The following FREM1 variants were observed in gnomAD, a reference collection of about 807,000 sequenced individuals.
The protein encoded by FREM1 is FRAS1-related extracellular matrix protein 1.
In FREM1, 220 loss-of-function variants were observed where a neutral mutation model predicts 210.1. The ratio of observed to expected loss-of-function variants is 1.05; its 90% CI spans 0.94 to 1.17. The LOEUF (loss-of-function observed/expected upper bound fraction) is 1.17, where lower values mean the gene tolerates loss of function less well. Among genes scored for constraint, FREM1 ranks in the 50% most tolerant of loss-of-function variants. The pLI, the probability that FREM1 is intolerant of heterozygous loss-of-function variation, is 0.00. For synonymous variants in FREM1, 1,189 were observed against 980.2 expected (o/e 1.21, Z -3.98); for missense variants, 3,454 against 2,675.5 (o/e 1.29, Z -6.42).
rs755426147 is a variant in FREM1 at position 14,851,331 on chromosome 9, C to T, written c.1105G>A (p.Ala369Thr). ...TWKDLSDMQI[A>T]YQPPNSSHSE... ...TGGCTGCTGTTTGGTGGCTGATAGG[C>T]GATCTGCATGTCACTGAGATCTTTC... The change falls in exon 6 of 37, where the codon GCC (alanine) becomes ACC (threonine). Residue 369 changes from alanine to threonine, a missense_variant. Physicochemically the swap from Ala to Thr is moderately conservative, Grantham distance 58. Transcript: ENST00000380880. 5 of 1,607,730 alleles carry T rather than the reference C, an allele frequency of 3.1e-6. No homozygotes were observed. Among genetic ancestry groups the T allele is most frequent in the South Asian group, 2.2e-5 (2 of 90,294 alleles).
intron 3 of FREM1, among the ~76,000 whole-genome samples, chr9:14,861,076 T>TACATATATACACATATATATAA (rs1830255928): frequency 2.8e-5 from 2 of 71,354 alleles, no homozygotes; most frequent in African/African-American, 5.9e-5. Flanking sequence ...TATACATATA[T>TACATATATACACATATATATAA]ACATATATAC....
chr9:14,757,875 G>A (rs1435745940), intron 28 of FREM1, among the ~76,000 whole-genome samples: 1 of 152,150 alleles, frequency 6.6e-6, no homozygotes, highest in Admixed American at 6.5e-5. Flanking sequence ...TGTCTACAAT[G>A]CCAAGGCTCC....
At chr9:14,774,086 T>C (rs1848094504) in intron 25 of FREM1, 1 of 518,872 alleles carries the variant, frequency 1.9e-6, no homozygotes, top group Non-Finnish European at 3.8e-6. Context: ...TGTCAATATC[T>C]TCTTTCTTCT....
chr9:14,792,992 G>A (rs890752500), intron 21 of FREM1, 108 bp from the exon 22 acceptor site: 1 of 668,726 alleles, frequency 1.5e-6, no homozygotes, highest in African/African-American at 1.8e-5. Context: ...ATTAAGGAAT[G>A]ACATTCAATA....
At chr9:14,756,312 C>T in intron 29 of FREM1, 62 bp downstream of exon 29, 2 of 1,163,572 alleles carry the variant, frequency 1.7e-6, no homozygotes, top group South Asian at 1.4e-5. Flanking sequence ...AATCTCCAGA[C>T]ATGCCTACAA....
At position 14,749,369 on chromosome 9, in the gene FREM1, AT is replaced by A. The variant is rs1044657720; in HGVS notation, c.5558-731del. Among the ~76,000 whole-genome samples, 15 of 152,178 alleles carry A rather than the reference AT, an allele frequency of 9.9e-5. 1 individual carries two copies. In the South Asian group the frequency reaches 2.5e-3, roughly 25 times the overall value. On this transcript the variant is annotated intron_variant, in intron 30 of 36. Transcript: ENST00000380880. Reference sequence around the variant, plus strand: ...TTATAAAGAAAAGAGGGGAGGTCCCATTTTTTTATAGAGTAGGAAAGAGAAG... The same window carrying A: ...TTATAAAGAAAAGAGGGGAGGTCCCATTTTTTATAGAGTAGGAAAGAGAAG...
chr9:14,784,386 A>C lies in FREM1; in HGVS notation c.4426T>G (p.Ser1476Ala). 3 of 1,613,572 alleles carry C rather than the reference A, an allele frequency of 1.9e-6. No individual in the cohort carries two copies. The highest frequency in any genetic ancestry group is 2.5e-6 in the Non-Finnish European group (3 of 1,179,594). ...CYVHKSKVTV[S>A]SDRFRFIISN... is the part of the protein sequence containing the mutation. The stretch of plus-strand genomic sequence containing the variant: ...GGGGCTCACCTGAATCTGTCACTGG[A>C]GACAGTCACCTTGCTCTTGTGTACA... Residue 1476 changes from serine (S) to alanine (A), a missense_variant, in exon 24 of 37, where the codon TCC becomes GCC. Ser to Ala is a moderately conservative substitution (Grantham distance 99). Coordinates refer to ENST00000380880, the MANE Select transcript of FREM1 (RefSeq NM_001379081.2).
At chr9:14,908,133 A>G (rs1818104898) in intron 1 of FREM1, among the ~76,000 whole-genome samples, 2 of 152,182 alleles carry the variant, frequency 1.3e-5, no homozygotes, top group South Asian at 4.1e-4. Context: ...TAAATATTAA[A>G]CGCCAGAAAA....
chr9:14,881,462 A>C (rs540804047), intron 1 of FREM1, among the ~76,000 whole-genome samples: 98 of 152,348 alleles, frequency 6.4e-4, no homozygotes, highest in African/African-American at 2.3e-3. Context: ...AATGAATTCA[A>C]ATATGTTTTG....
chr9:14,774,801 C>A (rs550395770), intron 25 of FREM1, among the ~76,000 whole-genome samples: 2 of 152,138 alleles, frequency 1.3e-5, no homozygotes, highest in African/African-American at 4.8e-5. Flanking sequence ...AGTGTAGTGT[C>A]ATAGAAAGGA....
At chr9:14,910,524 T>C (rs1029983557), upstream of FREM1, 3 of 152,506 alleles carry the variant, frequency 2.0e-5, no homozygotes, top group Admixed American at 2.0e-4. Flanking sequence ...CATTCACAAA[T>C]GGGCACACAG....
At chr9:14,813,417 G>T (rs1819750435) in intron 15 of FREM1, among the ~76,000 whole-genome samples, 1 of 152,126 alleles carries the variant, frequency 6.6e-6, no homozygotes, top group Admixed American at 6.5e-5. Flanking sequence ...TATTCCAGAA[G>T]AATTCTGGTC....
At position 14,759,864 on chromosome 9, in the gene FREM1, T is replaced by C. The variant is rs374170022; in HGVS notation, c.5242A>G (p.Thr1748Ala). 1.2e-6 allele frequency: 2 copies of C among 1,612,400 alleles called. No individual in the cohort carries two copies. The highest frequency in any genetic ancestry group is 1.7e-6 in the Non-Finnish European group (2 of 1,178,962). ...LKWSHIEWSQ[T>A]EYEVCENVGL... ...ACATTCTCACAGACTTCATATTCGG[T>C]CTGTGACCATTCAATATGAGACCAC... The change falls in exon 28 of 37, where the codon ACC (threonine) becomes GCC (alanine). Residue 1748 changes from threonine (T) to alanine (A), a missense_variant. Coordinates refer to ENST00000380880, the MANE Select transcript of FREM1 (RefSeq NM_001379081.2).
At chr9:14,815,921 T>A (rs1820223174) in intron 15 of FREM1, among the ~76,000 whole-genome samples, 1 of 152,190 alleles carries the variant, frequency 6.6e-6, no homozygotes, top group Admixed American at 6.5e-5. Context: ...GTGCTGGGAT[T>A]ACAGGTGTGA....
intron 24 of FREM1, 101 bp downstream of exon 24, chr9:14,784,269 T>C: frequency 9.7e-7 from 1 of 1,034,522 alleles, no homozygotes; most frequent in South Asian, 1.9e-5. Context: ...AAGATACATG[T>C]ATTTTGTGAA....
chr9:14,774,583 C>G (rs542565646), intron 25 of FREM1, among the ~76,000 whole-genome samples: 1 of 147,698 alleles, frequency 6.8e-6, no homozygotes, highest in South Asian at 2.1e-4. Context: ...AAAAATGTAA[C>G]TATTTTACTA....
chr9:14,890,143 C>T (rs1038763203), intron 1 of FREM1, among the ~76,000 whole-genome samples: 8 of 152,216 alleles, frequency 5.3e-5, no homozygotes, highest in African/African-American at 1.9e-4. Flanking sequence ...CCACCACATG[C>T]CACTTCTCAA....
intron 10 of FREM1, among the ~76,000 whole-genome samples, chr9:14,840,559 T>G (rs1425470743): frequency 1.3e-5 from 2 of 152,168 alleles, no homozygotes; most frequent in African/African-American, 4.8e-5. Flanking sequence ...TGAGACTTAT[T>G]CACTATCATG....
In FREM1 at chr9:14,823,222, C is replaced by T. The variant is rs759747384; in HGVS notation, c.2275G>A (p.Gly759Ser). The T allele has an allele frequency of 1.3e-5, 21 of 1,613,878 alleles. No homozygotes were observed. The Admixed American group carries it at 2.3e-4, about 18-fold the overall frequency. Residue 759 changes from glycine (G) to serine (S), a missense_variant, in exon 13 of 37, where the codon GGT (glycine) becomes AGT (serine). Physicochemically the swap from Gly to Ser is moderately conservative, Grantham distance 56 (BLOSUM62 0). Coordinates refer to ENST00000380880, the MANE Select transcript of FREM1 (RefSeq NM_001379081.2). ...TTAAAGCAGATCCCATGCAAAGTAC[C>T]GCCATGTTGGTTACTGACAGAAAAT... ...FTFSVSNQHG[G>S]TLHGICFNIT...
Sources: allele counts gnomAD v4.1 joint callset (sites outside exome capture counted in the v4.1 genomes callset), GRCh38; gene constraint gnomAD v4.1.1; transcripts MANE v1.5; gene names NCBI Gene and HGNC (gene_info 2026-07-23, HGNC 2026-07-21).